The following RAB39A variants were observed in gnomAD, a reference collection of about 807,000 sequenced individuals.
RAB39A encodes the protein ras-related protein Rab-39A.
RAB39A carries 17 observed loss-of-function variants against 20.9 expected under a neutral mutation model. That is an observed-to-expected ratio of 0.81 (90% CI 0.56 to 1.22). The LOEUF (loss-of-function observed/expected upper bound fraction) is 1.22. RAB39A is among the 50% of genes most tolerant of loss of function. RAB39A has a pLI of 0.00. For synonymous variants in RAB39A, 99 were observed against 103.4 expected (o/e 0.96, Z 0.26); for missense variants, 234 against 270.5 (o/e 0.87, Z 0.95).
intron 1 of RAB39A, among the ~76,000 whole-genome samples, chr11:107,952,431 A>G (rs1024395291): frequency 6.6e-6 from 1 of 152,080 alleles, no homozygotes; most frequent in Non-Finnish European, 1.5e-5. Context: ...AAATACAGAA[A>G]TTAGCTGGGT....
chr11:107,931,035 G>C (rs1201586500), intron 1 of RAB39A, among the ~76,000 whole-genome samples: 4 of 147,166 alleles, frequency 2.7e-5, no homozygotes, highest in Non-Finnish European at 6.0e-5. Context: ...GGAGTGCAAT[G>C]GCGCGATCTC....
At chr11:107,949,295 C>T (rs1035235309) in intron 1 of RAB39A, among the ~76,000 whole-genome samples, 2 of 151,354 alleles carry the variant, frequency 1.3e-5, no homozygotes, top group South Asian at 2.1e-4. Context: ...GGTGACAGAA[C>T]GAGACTCCAT....
chr11:107,937,913 T>G (rs979077809), intron 1 of RAB39A, among the ~76,000 whole-genome samples: 6 of 152,124 alleles, frequency 3.9e-5, no homozygotes, highest in African/African-American at 1.2e-4. Flanking sequence ...TACAAATGTA[T>G]TATAACATAA....
intron 1 of RAB39A, among the ~76,000 whole-genome samples, chr11:107,956,244 G>C (rs1591249062): frequency 6.6e-6 from 1 of 152,250 alleles, no homozygotes; most frequent in East Asian, 1.9e-4. Flanking sequence ...TTTCACAACA[G>C]CTATGTAAGT....
Position 107,928,679 on chromosome 11 carries a change from C to G in RAB39A, c.111C>G (p.Arg37=), listed in dbSNP as rs759908561. The stretch of plus-strand genomic sequence containing the variant: ...CCCAGGGCCGCTTCCCCGGGCTGCG[C>G]TCCCCCGCCTGCGACCCCACCGTCG... The part of the protein sequence containing the change: ...RFTQGRFPGL[R]SPACDPTVGV... The change falls in exon 1 of 2, where the codon CGC becomes CGG. Residue 37 remains arginine, a synonymous_variant. Coordinates refer to ENST00000320578, the MANE Select transcript of RAB39A (RefSeq NM_017516.3). This position sits in a 1 kb window ranked among gnomAD's most constrained non-coding sequence, Gnocchi z 4.9. 1 of 1,611,918 alleles carries G rather than the reference C, an allele frequency of 6.2e-7. No individual in the cohort carries two copies. Among genetic ancestry groups the G allele is most frequent in the Admixed American group, 1.7e-5 (1 of 59,784 alleles).
At chr11:107,941,227 T>A (rs1020045618) in intron 1 of RAB39A, among the ~76,000 whole-genome samples, 2 of 152,168 alleles carry the variant, frequency 1.3e-5, no homozygotes, top group African/African-American at 4.8e-5. Flanking sequence ...CGACTTTTAA[T>A]ATACTAATAC....
chr11:107,955,456 C>T (rs1861424670), intron 1 of RAB39A, among the ~76,000 whole-genome samples: 1 of 152,074 alleles, frequency 6.6e-6, no homozygotes, highest in South Asian at 2.1e-4. Flanking sequence ...TTGGACCAGC[C>T]GAAGGGACTT....
At position 107,940,973 on chromosome 11, in the gene RAB39A, G is replaced by GA. The variant is rs1001159015; in HGVS notation, c.227+12189dup. Among the ~76,000 whole-genome samples the GA allele has an allele frequency of 8.8e-3, 1,288 of 145,824 alleles. 15 individuals are homozygous for GA. The highest frequency in any genetic ancestry group is 0.03 in the African/African-American group (1,203 of 40,096). On this transcript the variant is annotated intron_variant, in intron 1 of 1. Coordinates refer to ENST00000320578, the MANE Select transcript of RAB39A (RefSeq NM_017516.3). Reference sequence around the variant, plus strand: ...AGCGACAGAGCAAGAGTCCATCTCAGAAAAAAAAAAATCCACTTCACACAA... The same window carrying GA: ...AGCGACAGAGCAAGAGTCCATCTCAGAAAAAAAAAAAATCCACTTCACACAA...
chr11:107,933,313 A>ATGTGTG (rs60670768), intron 1 of RAB39A, among the ~76,000 whole-genome samples: 30 of 125,364 alleles, frequency 2.4e-4, no homozygotes, highest in African/African-American at 9.2e-4. Context: ...ATATATATAT[A>ATGTGTG]TGTGTGTGTG....
At chr11:107,952,648 G>A (rs1323361101) in intron 1 of RAB39A, among the ~76,000 whole-genome samples, 9 of 152,192 alleles carry the variant, frequency 5.9e-5, no homozygotes, top group East Asian at 1.9e-4. Flanking sequence ...TTGGGAGGCC[G>A]AGGCAGGCAG....
chr11:107,954,189 G>A (rs939713598), intron 1 of RAB39A, among the ~76,000 whole-genome samples: 2 of 152,322 alleles, frequency 1.3e-5, no homozygotes, highest in East Asian at 1.9e-4. Context: ...CTGGTAGTAA[G>A]CAATAACAGT....
At chr11:107,942,415 G>C (rs4754279) in intron 1 of RAB39A, among the ~76,000 whole-genome samples, 50,627 of 151,948 alleles carry the variant, frequency 0.33, 9,364 homozygotes, top group East Asian at 0.6. Context: ...TGTTTTTTGA[G>C]ATGGGGTCTT....
intron 1 of RAB39A, among the ~76,000 whole-genome samples, chr11:107,953,905 C>T (rs532369174): frequency 2.6e-5 from 4 of 152,256 alleles, no homozygotes; most frequent in Non-Finnish European, 4.4e-5. Context: ...TAGGGCCAGA[C>T]GCCTCTAGAT....
intron 1 of RAB39A, among the ~76,000 whole-genome samples, chr11:107,946,895 C>G (rs1163373138): frequency 6.6e-6 from 1 of 151,808 alleles, no homozygotes; most frequent in African/African-American, 2.4e-5. Context: ...TGAGACCAGC[C>G]TGGCCAACAT....
intron 1 of RAB39A, among the ~76,000 whole-genome samples, chr11:107,936,443 G>A (rs913942963): frequency 6.6e-6 from 1 of 150,638 alleles, no homozygotes; most frequent in Non-Finnish European, 1.5e-5. Flanking sequence ...ACTGGCTACC[G>A]CATGTGTCTG....
intron 1 of RAB39A, among the ~76,000 whole-genome samples, chr11:107,944,224 G>A (rs539336634): frequency 6.6e-6 from 1 of 152,156 alleles, no homozygotes; most frequent in African/African-American, 2.4e-5. Context: ...AGGAAAAAGA[G>A]GAAGCATGGG....
At chr11:107,961,096 C>T (rs1424876479) in intron 1 of RAB39A, among the ~76,000 whole-genome samples, 1 of 152,280 alleles carries the variant, frequency 6.6e-6, no homozygotes, top group South Asian at 2.1e-4. Context: ...CAAGACTGTA[C>T]CTGTAACTAA....
chr11:107,946,778 C>G (rs1350523207), intron 1 of RAB39A, among the ~76,000 whole-genome samples: 1 of 150,922 alleles, frequency 6.6e-6, no homozygotes, highest in Non-Finnish European at 1.5e-5. Context: ...CCAGCCGATA[C>G]TATTTTTTTT....
chr11:107,949,182 G>A (rs921863282), intron 1 of RAB39A, among the ~76,000 whole-genome samples: 14 of 151,930 alleles, frequency 9.2e-5, no homozygotes, highest in Non-Finnish European at 1.8e-4. Context: ...TGTGGGGCAC[G>A]TGCCTGTAAT....
Sources: gnomAD v4.1 joint callset for allele counts (sites outside exome capture counted in the v4.1 genomes callset) on GRCh38, gnomAD v4.1.1 for gene constraint, Gnocchi (gnomAD v3.1) non-coding constraint, MANE v1.5 for transcripts, NCBI Gene and HGNC (gene_info 2026-07-23, HGNC 2026-07-21) for gene names.